The following CES5A variants were observed in gnomAD, a reference collection of about 807,000 sequenced individuals.
CES5A encodes carboxylesterase 5.
A neutral mutation model predicts 62.9 loss-of-function variants in CES5A; 67 were observed. That is an observed-to-expected ratio of 1.07 (90% CI 0.88 to 1.31). The LOEUF (loss-of-function observed/expected upper bound fraction) is 1.31, where lower values mean the gene tolerates loss of function less well. Ranked by LOEUF, CES5A falls within the 50% of genes most tolerant of loss-of-function variation. The pLI is 0.00. For missense variants in CES5A, 748 were observed against 708.5 expected, an observed-to-expected ratio of 1.06 and a Z score of -0.63; for synonymous variants, 296 against 280.8, an observed-to-expected ratio of 1.05 and a Z score of -0.54.
Position 55,866,019 on chromosome 16 carries a change from G to T in CES5A, c.649C>A (p.Pro217Thr), listed in dbSNP as rs1327764978. The change falls in exon 5 of 13, where the codon CCC becomes ACC. Residue 217 changes from proline to threonine, a missense_variant. By Grantham distance (38) the Pro-to-Thr change is conservative (BLOSUM62 -1). Transcript: ENST00000290567. Reference protein sequence around the residue: ...QKNIEFFGGDPSSVTIFGESA... With the variant: ...QKNIEFFGGDTSSVTIFGESA... ...TCGCCAAAGATGGTCACAGAGCTGGGGTCCCCACCGAAGAACTCGATGTTC... is the reference window on the plus strand; with the variant it reads ...TCGCCAAAGATGGTCACAGAGCTGGTGTCCCCACCGAAGAACTCGATGTTC... 6 of 1,614,172 alleles carry T rather than the reference G, an allele frequency of 3.7e-6. No homozygotes were observed. Among genetic ancestry groups the T allele is most frequent in the Non-Finnish European group, 5.1e-6 (6 of 1,180,032 alleles).
chr16:55,918,170 G>A (rs1314920857), intron 1 of CES5A, among the ~76,000 whole-genome samples: 1 of 152,092 alleles, frequency 6.6e-6, no homozygotes, highest in Non-Finnish European at 1.5e-5. Context: ...CTTTCTAATG[G>A]TAGGTCTCGC....
In CES5A at chr16:55,846,633, C is replaced by T. The variant is rs1032950826; in HGVS notation, c.1546G>A (p.Glu516Lys). Reference protein sequence around the residue: ...LSLWPAYNLTEQYLQLDLNMS... With the variant: ...LSLWPAYNLTKQYLQLDLNMS... Reference sequence around the variant, plus strand: ...TTCAAGTCCAGCTGGAGGTACTGCTCAGTCAGATTATAAGCTGGCCACAGA... The same window carrying T: ...TTCAAGTCCAGCTGGAGGTACTGCTTAGTCAGATTATAAGCTGGCCACAGA... Residue 516 changes from glutamate (E) to lysine (K), a missense_variant, in exon 13 of 13, where the codon GAG becomes AAG. Coordinates refer to ENST00000290567, the MANE Select transcript of CES5A (RefSeq NM_001143685.2). The T allele has an allele frequency of 7.4e-6, 12 of 1,614,096 alleles. No homozygotes were observed. The Middle Eastern group carries it at 8.2e-4, about 111-fold the overall frequency.
chr16:55,938,793 TATATAC>T (rs1448528670), intron 2 of CES5A, among the ~76,000 whole-genome samples: 1,079 of 58,790 alleles, frequency 0.018, 28 homozygotes, highest in African/African-American at 0.048. Context: ...TATATATATA[TATATAC>T]ACACATATAT....
chr16:55,918,336 T>C (rs543980716), intron 1 of CES5A, among the ~76,000 whole-genome samples: 2 of 152,274 alleles, frequency 1.3e-5, no homozygotes, highest in East Asian at 3.9e-4. Flanking sequence ...CTTGAATATG[T>C]CCAACTACTG....
At chr16:55,916,067 G>C (rs555787567) in intron 1 of CES5A, among the ~76,000 whole-genome samples, 2 of 152,124 alleles carry the variant, frequency 1.3e-5, no homozygotes, top group African/African-American at 4.8e-5. Flanking sequence ...CAGAGGCTAG[G>C]GTTTTTCAAT....
intron 1 of CES5A, among the ~76,000 whole-genome samples, chr16:55,903,009 C>T (rs1178031392): frequency 2.6e-5 from 4 of 152,218 alleles, no homozygotes; most frequent in Non-Finnish European, 5.9e-5. Flanking sequence ...AAACAAACTG[C>T]ACACTTTATA....
intron 4 of CES5A, among the ~76,000 whole-genome samples, chr16:55,866,773 G>T: frequency 6.6e-6 from 1 of 151,922 alleles, no homozygotes. Context: ...GGGAGGCGGA[G>T]CTTGCAGTGA....
intron 1 of CES5A, among the ~76,000 whole-genome samples, chr16:55,906,805 C>T (rs1309164438): frequency 3.3e-5 from 5 of 152,176 alleles, no homozygotes; most frequent in African/African-American, 1.2e-4. Flanking sequence ...GACAGGAGGA[C>T]CACCTTGGCT....
intron 8 of CES5A, among the ~76,000 whole-genome samples, chr16:55,858,143 G>A (rs1272918545): frequency 7.9e-5 from 12 of 152,292 alleles, no homozygotes; most frequent in Admixed American, 5.2e-4. Context: ...AGGTTGCAGT[G>A]AGCCAAGATC....
chr16:55,941,572 A>C (rs73555828), intron 2 of CES5A, among the ~76,000 whole-genome samples: 1 of 152,078 alleles, frequency 6.6e-6, no homozygotes, highest in Non-Finnish European at 1.5e-5. Context: ...CACAATTCCA[A>C]TAAAAATCCC....
In CES5A at chr16:55,865,997, C is replaced by A; in HGVS notation, c.671G>T (p.Gly224Val). Residue 224 changes from glycine (G) to valine (V), a missense_variant, in exon 5 of 13, where the codon GGC becomes GTC. Physicochemically the swap from Gly to Val is moderately radical, Grantham distance 109. Coordinates refer to ENST00000290567, the MANE Select transcript of CES5A (RefSeq NM_001143685.2). The stretch of plus-strand genomic sequence containing the variant: ...AACACTTATGGCTCCCGCGGACTCG[C>A]CAAAGATGGTCACAGAGCTGGGGTC... ...GGDPSSVTIF[G>V]ESAGAISVSS... 6.2e-7 allele frequency: 1 copy of A among 1,614,232 alleles called. No individual in the cohort carries two copies. The highest frequency in any genetic ancestry group is 8.5e-7 in the Non-Finnish European group (1 of 1,180,046).
chr16:55,859,901 T>C (rs4784598), intron 7 of CES5A, among the ~76,000 whole-genome samples: 7,054 of 152,260 alleles, frequency 0.046, 278 homozygotes, highest in South Asian at 0.17. Flanking sequence ...AACTTGTCTG[T>C]GCCTTATTTT....
At chr16:55,893,997 C>T (rs2033906288) in intron 1 of CES5A, among the ~76,000 whole-genome samples, 1 of 151,724 alleles carries the variant, frequency 6.6e-6, no homozygotes, top group Non-Finnish European at 1.5e-5. Context: ...ATAAAAGACA[C>T]ATTGGATTGT....
intron 1 of CES5A, chr16:55,955,815 G>C: frequency 6.5e-7 from 1 of 1,535,166 alleles, no homozygotes; most frequent in Non-Finnish European, 8.7e-7. Flanking sequence ...GTGGGGTCCA[G>C]GCAGTAGCAC....
chr16:55,868,947 T>G (rs1349497830), intron 4 of CES5A, among the ~76,000 whole-genome samples: 5 of 152,240 alleles, frequency 3.3e-5, no homozygotes, highest in African/African-American at 1.2e-4. Context: ...GCATGGCAAG[T>G]GCACAGCCCC....
At chr16:55,948,613 G>GT (rs1309516993) in intron 2 of CES5A, among the ~76,000 whole-genome samples, 1 of 152,156 alleles carries the variant, frequency 6.6e-6, no homozygotes, top group African/African-American at 2.4e-5. Context: ...GAAAAGGCAA[G>GT]TTTTTTGCAT....
Position 55,949,640 on chromosome 16 carries a change from A to C in CES5A, c.160+145T>G, listed in dbSNP as rs767823066. 9.9e-5 allele frequency: 40 copies of C among 405,750 alleles called. 1 individual carries two copies. In the Middle Eastern group the frequency reaches 7.8e-3, roughly 79 times the overall value. The allele number at this position is 405,750 out of a possible 1,614,324, so 25.1% of individuals were successfully genotyped here. On this transcript the variant is annotated intron_variant, in intron 2 of 13. Coordinates refer to the CES5A transcript ENST00000521992. ...GCTTTCCAACCAGAGGTGAGGCAGG[A>C]TAAGAACATCTTGACAATGAAAATA...
chr16:55,907,714 A>G (rs1438237280), intron 1 of CES5A, among the ~76,000 whole-genome samples: 1 of 152,110 alleles, frequency 6.6e-6, no homozygotes. Context: ...CCCCCACAGC[A>G]GGTGGCAAGG....
At chr16:55,906,283 C>A (rs1211192816) in intron 1 of CES5A, among the ~76,000 whole-genome samples, 2 of 152,162 alleles carry the variant, frequency 1.3e-5, no homozygotes, top group Admixed American at 1.3e-4. Context: ...TTGATTGATG[C>A]GGTTTGTAAT....
Sources: gnomAD v4.1 joint callset for allele counts (sites outside exome capture counted in the v4.1 genomes callset) on GRCh38, gnomAD v4.1.1 for gene constraint, MANE v1.5 for transcripts, NCBI Gene and HGNC (gene_info 2026-07-23, HGNC 2026-07-21) for gene names.